ELP1: variants seen among roughly 807,000 people sequenced by gnomAD.
The protein encoded by ELP1 is elongator complex protein 1.
A neutral mutation model predicts 183.2 loss-of-function variants in ELP1; 131 were observed. That is an observed-to-expected ratio of 0.72 (90% CI 0.62 to 0.83). ELP1 has a LOEUF of 0.83. Among genes scored for constraint, ELP1 ranks in the 40% least tolerant of loss-of-function variants. The probability of loss-of-function intolerance (pLI) is 0.00; values close to 1 mark genes in which losing one functional copy is unlikely to be tolerated. For missense variants in ELP1, 1,550 were observed against 1,594.9 expected (o/e 0.97, Z 0.48); for synonymous variants, 555 against 569.0 (o/e 0.98, Z 0.35).
chr9:108,875,060 C>A lies in ELP1; in HGVS notation c.3856-90G>T, dbSNP rs1827654907. On this transcript the variant is annotated intron_variant, in intron 35 of 36. Transcript: ENST00000374647. ...AGGCCAAATCCCTACCCCCAGAAAA[C>A]AGCCTGTCATTTCTACTGGTATGGT... The A allele has an allele frequency of 4.7e-6, 4 of 842,478 alleles. No individual in the cohort carries two copies. The East Asian group carries it at 7.3e-5, about 15-fold the overall frequency. 52.2% of individuals were successfully genotyped at this position (842,478 alleles called of 1,614,324 possible).
chr9:108,893,844 T>A lies in ELP1; in HGVS notation c.2860+99A>T, dbSNP rs557926445. The stretch of plus-strand genomic sequence containing the variant: ...TGTTAGAGTTTTCAGGAGTGGGAAG[T>A]GAAATCAGTCACTGTCTAAACTAAC... On this transcript the variant is annotated intron_variant, in intron 26 of 36. Coordinates refer to ENST00000374647, the MANE Select transcript of ELP1 (RefSeq NM_003640.5). 69 of 1,286,590 alleles carry A rather than the reference T, an allele frequency of 5.4e-5. No individual in the cohort carries two copies. In the South Asian group the frequency reaches 7.9e-4, roughly 15 times the overall value. The allele number at this position is 1,286,590 out of a possible 1,614,324, so 79.7% of individuals were successfully genotyped here.
chr9:108,871,083 G>GCC (rs1827436422), intron 36 of ELP1, among the ~76,000 whole-genome samples: 6 of 146,454 alleles, frequency 4.1e-5, no homozygotes, highest in African/African-American at 1.3e-4. Flanking sequence ...GTTTTCTCTA[G>GCC]CAGGAATTTA....
chr9:108,910,972 T>G, intron 12 of ELP1, 38 bp downstream of exon 12: 1 of 1,596,898 alleles, frequency 6.3e-7, no homozygotes, highest in Non-Finnish European at 8.6e-7. Flanking sequence ...TAGAAGGGAC[T>G]TGATTCAGAA....
intron 25 of ELP1, among the ~76,000 whole-genome samples, chr9:108,894,992 T>C (rs1203882785): frequency 6.6e-6 from 1 of 152,112 alleles, no homozygotes; most frequent in African/African-American, 2.4e-5. Context: ...TAAGTGCTCA[T>C]TCCCAGCACT....
chr9:108,916,768 T>C (rs1217258252), intron 9 of ELP1, among the ~76,000 whole-genome samples: 2 of 152,106 alleles, frequency 1.3e-5, no homozygotes, highest in African/African-American at 2.4e-5. Flanking sequence ...CCGATGAAAA[T>C]AGTTTTGCAA....
intron 29 of ELP1, among the ~76,000 whole-genome samples, chr9:108,886,543 C>A (rs931337855): frequency 6.6e-6 from 1 of 152,118 alleles, no homozygotes; most frequent in Non-Finnish European, 1.5e-5. Context: ...ATCACCTAGT[C>A]CCCCATATCA....
Position 108,894,076 on chromosome 9 carries a change from T to C in ELP1, c.2737-10A>G. 7.0e-7 allele frequency: 1 copy of C among 1,420,140 alleles called. No individual in the cohort carries two copies. Among genetic ancestry groups the C allele is most frequent in the East Asian group, 2.3e-5 (1 of 43,774 alleles). 88.0% of individuals were successfully genotyped at this position (1,420,140 alleles called of 1,614,324 possible). ...GATATTCTTTGGGATCCTAAAAAAA[T>C]GATTAATGAGAACTTTATTACTTGT... is the stretch of plus-strand genomic sequence containing the variant. On this transcript the variant is annotated splice_polypyrimidine_tract_variant and intron_variant, in intron 25 of 36. Coordinates refer to ENST00000374647, the MANE Select transcript of ELP1 (RefSeq NM_003640.5).
intron 36 of ELP1, among the ~76,000 whole-genome samples, chr9:108,874,116 G>A (rs766490750): frequency 1.3e-5 from 2 of 151,986 alleles, no homozygotes; most frequent in African/African-American, 2.4e-5. Flanking sequence ...GTAGCACTTC[G>A]GTGAAAAAAA....
At chr9:108,897,360 G>A in intron 22 of ELP1, 75 bp from the exon 23 acceptor site, 1 of 1,447,960 alleles carries the variant, frequency 6.9e-7, no homozygotes, top group Non-Finnish European at 9.7e-7. Context: ...CATACACCTG[G>A]CATGCTGATG....
Position 108,893,090 on chromosome 9 carries a change from GAA to G in ELP1, c.2861-9_2861-8del. The G allele has an allele frequency of 1.3e-6, 2 of 1,596,874 alleles. No individual in the cohort carries two copies. Among genetic ancestry groups the G allele is most frequent in the Non-Finnish European group, 1.7e-6 (2 of 1,164,554 alleles). On this transcript the variant is annotated splice_region_variant and splice_polypyrimidine_tract_variant and intron_variant, in intron 26 of 36. Coordinates refer to ENST00000374647, the MANE Select transcript of ELP1 (RefSeq NM_003640.5). ...TCTGGGAAGTACTCAGGTCCTGCAGGAAAAAGATTCACACAAAGACAGGCTTA... is the reference window on the plus strand; with the variant it reads ...TCTGGGAAGTACTCAGGTCCTGCAGGAAAGATTCACACAAAGACAGGCTTA...
intron 25 of ELP1, among the ~76,000 whole-genome samples, chr9:108,894,964 C>T (rs910090042): frequency 1.3e-5 from 2 of 152,066 alleles, no homozygotes; most frequent in African/African-American, 4.8e-5. Flanking sequence ...AGGAAGAAAA[C>T]CCAAGACAAC....
chr9:108,873,163 T>A (rs1827553135), intron 36 of ELP1, among the ~76,000 whole-genome samples: 1 of 152,252 alleles, frequency 6.6e-6, no homozygotes, highest in African/African-American at 2.4e-5. Flanking sequence ...CCAACCCAGC[T>A]GTGATTCAAG....
At chr9:108,914,917 C>T (rs184565353) in intron 10 of ELP1, among the ~76,000 whole-genome samples, 5 of 152,278 alleles carry the variant, frequency 3.3e-5, no homozygotes, top group East Asian at 3.9e-4. Flanking sequence ...CATGAGCCAC[C>T]GCACCTGGCC....
chr9:108,922,841 C>G lies in ELP1; in HGVS notation c.552+1G>C. The G allele has an allele frequency of 6.2e-7, 1 of 1,612,076 alleles. No homozygotes were observed. The highest frequency in any genetic ancestry group is 8.5e-7 in the Non-Finnish European group (1 of 1,178,178). ...CTTTTTATCCATCAAACCAAACTTA[C>G]CATTTGCATCTGAAAAGCTGCTTGT... On this transcript the variant is annotated splice_donor_variant, in intron 6 of 36. Transcript: ENST00000374647. LOFTEE classifies it high-confidence loss of function.
chr9:108,871,995 C>T (rs1827475931), intron 36 of ELP1, among the ~76,000 whole-genome samples: 1 of 152,218 alleles, frequency 6.6e-6, no homozygotes, highest in Admixed American at 6.5e-5. Flanking sequence ...AGACCTCAAT[C>T]TATAGTACAT....
At chr9:108,908,522 C>A in intron 12 of ELP1, 118 bp from the exon 13 acceptor site, 2 of 754,706 alleles carry the variant, frequency 2.7e-6, no homozygotes, top group Middle Eastern at 2.4e-4. Context: ...AGAAAATAAT[C>A]ACATCTCAAC....
At chr9:108,930,873 G>C in intron 2 of ELP1, 124 bp downstream of exon 2, 1 of 904,248 alleles carries the variant, frequency 1.1e-6, no homozygotes, top group Non-Finnish European at 1.8e-6. Context: ...TGAAGCAAAA[G>C]ATGTTTATTT....
rs774965847 is a variant in ELP1 at position 108,911,184 on chromosome 9, C to T, written c.1190-4G>A. The stretch of plus-strand genomic sequence containing the variant: ...AAGACTGTCACCAACACCCTGTCTG[C>T]AGTGAAAAAGAAAGAAGAGGATTAG... On this transcript the variant is annotated splice_polypyrimidine_tract_variant and splice_region_variant and intron_variant, in intron 11 of 36. Transcript: ENST00000374647. The T allele has an allele frequency of 1.9e-6, 3 of 1,613,690 alleles. No individual in the cohort carries two copies. Among genetic ancestry groups the T allele is most frequent in the Non-Finnish European group, 2.5e-6 (3 of 1,179,882 alleles).
rs1327244802 is a variant in ELP1, at chr9:108,868,975, G to A, written c.*140C>T. ...ATAGAATTGCTTGTTGTCTGCTGAA[G>A]TTCTTGGCAATGCTAAGGTAAGTTA... is the stretch of plus-strand genomic sequence containing the variant. On this transcript the variant is annotated 3_prime_UTR_variant, in exon 37 of 37. Coordinates refer to ENST00000374647, the MANE Select transcript of ELP1 (RefSeq NM_003640.5). 1.3e-6 allele frequency: 1 copy of A among 757,812 alleles called. No individual in the cohort carries two copies. Among genetic ancestry groups the A allele is most frequent in the African/African-American group, 1.7e-5 (1 of 58,738 alleles). The allele number at this position is 757,812 out of a possible 1,614,324, so 46.9% of individuals were successfully genotyped here.
Sources: gnomAD v4.1 joint callset for allele counts (sites outside exome capture counted in the v4.1 genomes callset) on GRCh38, gnomAD v4.1.1 for gene constraint, MANE v1.5 for transcripts, NCBI Gene and HGNC (gene_info 2026-07-23, HGNC 2026-07-21) for gene names.